Variants in CCDC63 observed in about 807,000 individuals in gnomAD.
CCDC63 encodes coiled-coil domain containing 63.
Under a neutral mutation model 63.6 loss-of-function variants are expected in CCDC63, and 54 were observed. The ratio of observed to expected loss-of-function variants is 0.85; its 90% CI spans 0.68 to 1.07. The LOEUF is 1.07. Ranked by LOEUF, CCDC63 falls within the 50% of genes least tolerant of loss-of-function variation. The pLI is 0.00. For synonymous variants in CCDC63, 253 were observed against 266.1 expected (o/e 0.95, Z 0.48); for missense variants, 637 against 689.6 (o/e 0.92, Z 0.86).
chr12:110,880,547 G>C (rs66525670), intron 6 of CCDC63, among the ~76,000 whole-genome samples: 31,553 of 151,716 alleles, frequency 0.21, 3,468 homozygotes, highest in African/African-American at 0.25. Flanking sequence ...AGTCAGATCT[G>C]GGTTTAAATC....
chr12:110,905,989 T>C (rs2071567429), intron 11 of CCDC63, among the ~76,000 whole-genome samples: 1 of 38,090 alleles, frequency 2.6e-5, no homozygotes, highest in Non-Finnish European at 4.2e-5. Context: ...TATATTATAT[T>C]ATTATAATAT....
intron 3 of CCDC63, among the ~76,000 whole-genome samples, chr12:110,855,824 A>C (rs908130628): frequency 6.6e-6 from 1 of 151,818 alleles, no homozygotes; most frequent in Non-Finnish European, 1.5e-5. Context: ...CAGGTGATCC[A>C]CCCGCCTCGG....
At chr12:110,854,703 C>T (rs950350055) in intron 3 of CCDC63, among the ~76,000 whole-genome samples, 4 of 152,162 alleles carry the variant, frequency 2.6e-5, no homozygotes, top group African/African-American at 4.8e-5. Flanking sequence ...TCCTTAGCTG[C>T]ATCCATATTG....
chr12:110,891,235 C>T (rs983340908), intron 8 of CCDC63, among the ~76,000 whole-genome samples: 8 of 151,490 alleles, frequency 5.3e-5, no homozygotes, highest in Admixed American at 1.3e-4. Context: ...CGCTTGAACC[C>T]GAGAGGCAGA....
intron 4 of CCDC63, among the ~76,000 whole-genome samples, chr12:110,864,746 G>A (rs564411263): frequency 8.6e-4 from 130 of 152,046 alleles, no homozygotes; most frequent in African/African-American, 3.1e-3. Flanking sequence ...TTTTCCACTC[G>A]GCTTAGACCA....
At chr12:110,877,087 A>C (rs1386327667) in intron 5 of CCDC63, among the ~76,000 whole-genome samples, 2 of 152,136 alleles carry the variant, frequency 1.3e-5, no homozygotes, top group South Asian at 2.1e-4. Flanking sequence ...ATACATGTAG[A>C]TATTAAAGTG....
At chr12:110,881,460 C>T (rs954900660) in intron 7 of CCDC63, among the ~76,000 whole-genome samples, 164 bp downstream of exon 7, 2 of 152,208 alleles carry the variant, frequency 1.3e-5, no homozygotes, top group Non-Finnish European at 2.9e-5. Context: ...TGGCTCACGC[C>T]TGTAATCCCA....
chr12:110,858,159 A>AAATAAAAAAT (rs1291422307), intron 3 of CCDC63, among the ~76,000 whole-genome samples: 1 of 140,354 alleles, frequency 7.1e-6, no homozygotes, highest in African/African-American at 3.0e-5. Context: ...AAATAAAATA[A>AAATAAAAAAT]AAAATAAAAT....
intron 4 of CCDC63, among the ~76,000 whole-genome samples, chr12:110,871,983 A>G (rs2071074164): frequency 1.3e-5 from 2 of 152,244 alleles, no homozygotes; most frequent in Non-Finnish European, 2.9e-5. Flanking sequence ...AAATCCATAA[A>G]TGATAGAATA....
intron 11 of CCDC63, among the ~76,000 whole-genome samples, chr12:110,906,720 A>G (rs2071591107): frequency 6.6e-6 from 1 of 152,102 alleles, no homozygotes; most frequent in Non-Finnish European, 1.5e-5. Flanking sequence ...ACTGAAACGC[A>G]GCAGGAGTGA....
In CCDC63 at chr12:110,852,865, GCAGAGAGA is replaced by G. The variant is rs2070722292; in HGVS notation, c.-81_-74del. 1 of 1,606,090 alleles carries G rather than the reference GCAGAGAGA, an allele frequency of 6.2e-7. No homozygotes were observed. Among genetic ancestry groups the G allele is most frequent in the African/African-American group, 1.3e-5 (1 of 74,756 alleles). On this transcript the variant is annotated 5_prime_UTR_variant, in exon 2 of 12. Coordinates refer to ENST00000308208, the MANE Select transcript of CCDC63 (RefSeq NM_152591.3). ...CTTTTGCCACCATGAACAGGGCATT[GCAGAGAGA>G]CAGAGAGAGAGAGGAAGGCTCACTG...
chr12:110,894,157 A>G (rs2071390042), intron 9 of CCDC63, among the ~76,000 whole-genome samples: 1 of 152,092 alleles, frequency 6.6e-6, no homozygotes, highest in Non-Finnish European at 1.5e-5. Context: ...GCTGCCATAG[A>G]TCCAGCCGTT....
At chr12:110,874,959 G>T (rs1356798427) in intron 5 of CCDC63, among the ~76,000 whole-genome samples, 1 of 152,182 alleles carries the variant, frequency 6.6e-6, no homozygotes, top group Non-Finnish European at 1.5e-5. Context: ...TCTGGTTTGT[G>T]AAACTGTAGC....
At chr12:110,893,197 GTC>G (rs1258421920) in intron 9 of CCDC63, 47 bp downstream of exon 9, 8 of 1,483,300 alleles carry the variant, frequency 5.4e-6, no homozygotes, top group Non-Finnish European at 6.6e-6. Flanking sequence ...TCTGTTGTCT[GTC>G]TCTGTGTCTG....
chr12:110,850,528 G>A (rs1468714554), intron 1 of CCDC63, among the ~76,000 whole-genome samples: 1 of 152,180 alleles, frequency 6.6e-6, no homozygotes, highest in East Asian at 1.9e-4. Flanking sequence ...GATCACCTGA[G>A]GTCATAAATT....
chr12:110,904,678 C>T lies in CCDC63; in HGVS notation c.1433C>T (p.Pro478Leu). 2 of 1,614,128 alleles carry T rather than the reference C, an allele frequency of 1.2e-6. No individual in the cohort carries two copies. The highest frequency in any genetic ancestry group is 1.7e-6 in the Non-Finnish European group (2 of 1,180,020). The change falls in exon 11 of 12, where the codon CCA (proline) becomes CTA (leucine). Residue 478 changes from proline (P) to leucine (L), a missense_variant. Physicochemically the swap from Pro to Leu is moderately conservative, Grantham distance 98. Transcript: ENST00000308208. ...GAAGGGGCAGAGGCTGAGATCCCGCCACCCTTCATCAACCCTTTCTGGGGT... is the reference window on the plus strand; with the variant it reads ...GAAGGGGCAGAGGCTGAGATCCCGCTACCCTTCATCAACCCTTTCTGGGGT... ...EVEGAEAEIP[P>L]PFINPFWGGS...
At chr12:110,856,639 G>A (rs1055567401) in intron 3 of CCDC63, among the ~76,000 whole-genome samples, 1 of 135,392 alleles carries the variant, frequency 7.4e-6, no homozygotes, top group Non-Finnish European at 1.6e-5. Context: ...ACAATCACTT[G>A]TGCCTAAGTG....
chr12:110,892,996 T>C, intron 8 of CCDC63, 80 bp from the exon 9 acceptor site: 1 of 1,119,548 alleles, frequency 8.9e-7, no homozygotes, highest in Non-Finnish European at 1.3e-6. Flanking sequence ...CATCGACTCT[T>C]TGAGGCGCAC....
intron 4 of CCDC63, among the ~76,000 whole-genome samples, chr12:110,864,860 G>A (rs1270722540): frequency 1.3e-5 from 2 of 152,156 alleles, no homozygotes; most frequent in Non-Finnish European, 2.9e-5. Flanking sequence ...GCAAAGGTAA[G>A]GCAAACTTCA....
Sources: gnomAD v4.1 joint callset for allele counts (sites outside exome capture counted in the v4.1 genomes callset) on GRCh38, gnomAD v4.1.1 for gene constraint, MANE v1.5 for transcripts, NCBI Gene and HGNC (gene_info 2026-07-23, HGNC 2026-07-21) for gene names.